Variants in ARHGEF1 observed in about 807,000 individuals in gnomAD.
The protein encoded by ARHGEF1 is 115 kDa guanine nucleotide exchange factor.
Under a neutral mutation model 119.7 loss-of-function variants are expected in ARHGEF1, and 40 were observed. The observed-to-expected ratio is 0.33, with a 90% CI of 0.26 to 0.44. The LOEUF (loss-of-function observed/expected upper bound fraction) is 0.44. Among genes scored for constraint, ARHGEF1 ranks in the 20% least tolerant of loss-of-function variants. ARHGEF1 has a pLI of 1.00. For missense variants in ARHGEF1, 976 were observed against 1,268.3 expected (o/e 0.77, Z 3.50); for synonymous variants, 494 against 521.0 (o/e 0.95, Z 0.71).
Position 41,907,255 on chromosome 19 carries a change from C to T in ARHGEF1, c.*168C>T. Reference sequence around the variant, plus strand: ...GGCCCAGCTGGGGTTACTGGCCCCGCATGAGCCTCGGCCATCTCTCCCTCC... The same window carrying T: ...GGCCCAGCTGGGGTTACTGGCCCCGTATGAGCCTCGGCCATCTCTCCCTCC... On this transcript the variant is annotated 3_prime_UTR_variant, in exon 29 of 29. Coordinates refer to ENST00000354532, the MANE Select transcript of ARHGEF1 (RefSeq NM_004706.4). 1.3e-6 allele frequency: 2 copies of T among 1,524,582 alleles called. No homozygotes were observed. Among genetic ancestry groups the T allele is most frequent in the Non-Finnish European group, 1.8e-6 (2 of 1,140,228 alleles). 94.4% of individuals were successfully genotyped at this position (1,524,582 alleles called of 1,614,324 possible).
At position 41,903,240 on chromosome 19, in the gene ARHGEF1, C is replaced by A; in HGVS notation, c.1739-67C>A. On this transcript the variant is annotated intron_variant, in intron 18 of 28. Transcript: ENST00000354532. This position sits in a 1 kb window ranked among gnomAD's most constrained non-coding sequence, Gnocchi z 4.2. ...CCCGGCCAGCTGTCCTTTGTCTAAC[C>A]TTGGCTGCCCAATCTGGAGCCTCCA... 1 of 1,470,816 alleles carries A rather than the reference C, an allele frequency of 6.8e-7. No homozygotes were observed. The highest frequency in any genetic ancestry group is 9.5e-7 in the Non-Finnish European group (1 of 1,055,998). The allele number at this position is 1,470,816 out of a possible 1,614,324, so 91.1% of individuals were successfully genotyped here.
intron 1 of ARHGEF1, among the ~76,000 whole-genome samples, chr19:41,927,292 G>A (rs1172047892): frequency 1.3e-5 from 2 of 152,080 alleles, no homozygotes; most frequent in African/African-American, 4.8e-5. Context: ...GAAGGTCAGG[G>A]CCAGGCCTGT....
upstream of ARHGEF1, among the ~76,000 whole-genome samples, chr19:41,921,152 C>A (rs986997493): frequency 6.6e-6 from 1 of 152,108 alleles, no homozygotes; most frequent in African/African-American, 2.4e-5. The surrounding 1 kb of genome is among the most constrained non-coding windows in gnomAD (Gnocchi z 4.4). Flanking sequence ...GAGGCGCCAC[C>A]GTGAGGCGAG....
chr19:41,894,135 A>AGTGT (rs35797687), intron 8 of ARHGEF1, 72 bp from the exon 9 acceptor site: 188,905 of 477,256 alleles, frequency 0.4, 15,682 homozygotes, highest in East Asian at 0.45. Flanking sequence ...TGTGTGTGTG[A>AGTGT]GTGTGTGTGT....
chr19:41,897,009 A>AT, intron 13 of ARHGEF1: 1 of 373,772 alleles, frequency 2.7e-6, no homozygotes, highest in South Asian at 1.7e-5. Flanking sequence ...TTCTTTCCCC[A>AT]CCTTCCATCC....
In ARHGEF1 at chr19:41,906,400, C is replaced by T; in HGVS notation, c.2492-57C>T. 6.7e-6 allele frequency: 10 copies of T among 1,500,308 alleles called. No homozygotes were observed. Among genetic ancestry groups the T allele is most frequent in the Non-Finnish European group, 8.9e-6 (10 of 1,122,706 alleles). 92.9% of individuals were successfully genotyped at this position (1,500,308 alleles called of 1,614,324 possible). A position where few individuals can be genotyped will look rare whatever the true frequency, so the allele number is the denominator to read the frequency against. On this transcript the variant is annotated intron_variant, in intron 26 of 28. Coordinates refer to ENST00000354532, the MANE Select transcript of ARHGEF1 (RefSeq NM_004706.4). This position sits in a 1 kb window ranked among gnomAD's most constrained non-coding sequence, Gnocchi z 4.5. ...ACATCCCCTTTGGAATCCCCCATCCCAGATCCCAGCCCAGCCCCCTGGTCT... is the reference window on the plus strand; with the variant it reads ...ACATCCCCTTTGGAATCCCCCATCCTAGATCCCAGCCCAGCCCCCTGGTCT...
chr19:41,884,193 G>A (rs1230645840), intron 1 of ARHGEF1, among the ~76,000 whole-genome samples: 6 of 152,184 alleles, frequency 3.9e-5, no homozygotes, highest in African/African-American at 1.4e-4. Flanking sequence ...CGGGGCCCGG[G>A]GAGTGACGGG....
Position 41,916,395 on chromosome 19 carries a change from TCA to T in ARHGEF1, c.1866-6691_1866-6690del, listed in dbSNP as rs1254002355. ...CACACAGATGCATGTGTCAGTAAAG[TCA>T]CACACCAACACTGTCACAGTCACAC... On this transcript the variant is annotated intron_variant, in intron 18 of 20. Transcript: ENST00000599589. The surrounding 1 kb of genome is among the most constrained non-coding windows in gnomAD (Gnocchi z 5.4). Among the ~76,000 whole-genome samples the T allele has an allele frequency of 6.6e-6, 1 of 151,448 alleles. No individual in the cohort carries two copies. Among genetic ancestry groups the T allele is most frequent in the African/African-American group, 2.4e-5 (1 of 41,132 alleles).
intron 13 of ARHGEF1, chr19:41,897,735 C>T (rs1555848151): frequency 6.4e-6 from 3 of 472,306 alleles, no homozygotes; most frequent in Non-Finnish European, 1.1e-5. Context: ...CTGTCTCTGT[C>T]CCTGTCCTGG....
In ARHGEF1 at chr19:41,903,912, T is replaced by C. The variant is rs1452008530; in HGVS notation, c.1918-123T>C. On this transcript the variant is annotated intron_variant, in intron 20 of 28. Coordinates refer to ENST00000354532, the MANE Select transcript of ARHGEF1 (RefSeq NM_004706.4). This position sits in a 1 kb window ranked among gnomAD's most constrained non-coding sequence, Gnocchi z 4.2. Reference sequence around the variant, plus strand: ...GGAAGCGAGAGCTCTGTCCCCCACCTCATGCCAATCCCATGATCCCCAGCC... The same window carrying C: ...GGAAGCGAGAGCTCTGTCCCCCACCCCATGCCAATCCCATGATCCCCAGCC... The C allele has an allele frequency of 1.5e-6, 2 of 1,343,506 alleles. No individual in the cohort carries two copies. Among genetic ancestry groups the C allele is most frequent in the Non-Finnish European group, 2.1e-6 (2 of 954,272 alleles). 83.2% of individuals were successfully genotyped at this position (1,343,506 alleles called of 1,614,324 possible).
In ARHGEF1 at chr19:41,888,743, C is replaced by T. The variant is rs1555845700; in HGVS notation, c.112-9C>T. The T allele has an allele frequency of 2.5e-6, 4 of 1,613,508 alleles. No individual in the cohort carries two copies. On this transcript the variant is annotated splice_polypyrimidine_tract_variant and intron_variant, in intron 3 of 28. Coordinates refer to ENST00000354532, the MANE Select transcript of ARHGEF1 (RefSeq NM_004706.4). This position sits in a 1 kb window ranked among gnomAD's most constrained non-coding sequence, Gnocchi z 5.1. ...TCCCCATTGTACTCACCCCTTCCTG[C>T]ACCCCCAGAACTCAGAAGAGCAAAA...
rs202012713 is a variant in ARHGEF1 at position 41,894,238 on chromosome 19, A to T, written c.676A>T (p.Met226Leu). ...AAVVNAIGLY[M>L]RHLGVRTKSG... is the part of the protein sequence containing the mutation. ...CGTGGTCAACGCCATTGGCCTGTAC[A>T]TGCGCCACCTTGGGGTGCGGACCAA... The change falls in exon 9 of 29, where the codon ATG becomes TTG. Residue 226 changes from methionine (M) to leucine (L), a missense_variant. By Grantham distance (15) the Met-to-Leu change is conservative (BLOSUM62 2). Coordinates refer to ENST00000354532, the MANE Select transcript of ARHGEF1 (RefSeq NM_004706.4). 18 of 1,558,100 alleles carry T rather than the reference A, an allele frequency of 1.2e-5. No individual in the cohort carries two copies. The African/African-American group carries it at 1.9e-4, about 17-fold the overall frequency.
Position 41,904,364 on chromosome 19 carries a change from G to T in ARHGEF1, c.2142G>T (p.Met714Ile), listed in dbSNP as rs1555849696. 6.3e-7 allele frequency: 1 copy of T among 1,583,174 alleles called. No individual in the cohort carries two copies. Among genetic ancestry groups the T allele is most frequent in the Non-Finnish European group, 8.6e-7 (1 of 1,168,186 alleles). ...CCGTGCTGCGGCTCACCTCCGCCATGACCCGCGAGGTGGCCACCGGTGAGT... is the reference window on the plus strand; with the variant it reads ...CCGTGCTGCGGCTCACCTCCGCCATTACCCGCGAGGTGGCCACCGGTGAGT... ...LRPVLRLTSAMTREVATDHKA... is the reference protein window; with the variant it reads ...LRPVLRLTSAITREVATDHKA... The change falls in exon 22 of 29, where the codon ATG becomes ATT. Residue 714 changes from methionine to isoleucine, a missense_variant. Around this residue, in one of 3 missense-constraint regions of ARHGEF1, gnomAD observed 286 missense variants for 506.8 expected, o/e 0.56. Transcript: ENST00000354532. This position sits in a 1 kb window ranked among gnomAD's most constrained non-coding sequence, Gnocchi z 8.4.
chr19:41,915,278 C>T (rs868962121), intron 18 of ARHGEF1, among the ~76,000 whole-genome samples: 89 of 151,570 alleles, frequency 5.9e-4, no homozygotes, highest in African/African-American at 2.1e-3. Context: ...ACGCTCCCCC[C>T]GCCGTGTCTC....
At position 41,904,987 on chromosome 19, in the gene ARHGEF1, G is replaced by C. The variant is rs1555849817; in HGVS notation, c.2200G>C (p.Glu734Gln). Residue 734 changes from glutamate to glutamine, a missense_variant, in exon 23 of 29, where the codon GAG (glutamate) becomes CAG (glutamine). Glu to Gln is a conservative substitution (Grantham distance 29). This residue lies in a region of ARHGEF1 where 286 missense variants were observed against 506.8 expected (regional missense o/e 0.56). Transcript: ENST00000354532. This position sits in a 1 kb window ranked among gnomAD's most constrained non-coding sequence, Gnocchi z 8.4. The stretch of plus-strand genomic sequence containing the variant: ...CTACGTCCTTTTTACCTGGGACCAG[G>C]AGGCCCAGATATACGAGCTGGTGGC... ...AFYVLFTWDQ[E>Q]AQIYELVAQT... The C allele has an allele frequency of 6.2e-7, 1 of 1,614,158 alleles. No individual in the cohort carries two copies. Among genetic ancestry groups the C allele is most frequent in the South Asian group, 1.1e-5 (1 of 91,082 alleles).
chr19:41,915,889 C>T (rs2074798037), intron 18 of ARHGEF1, among the ~76,000 whole-genome samples: 1 of 152,204 alleles, frequency 6.6e-6, no homozygotes, highest in Non-Finnish European at 1.5e-5. Flanking sequence ...GACAAACGGC[C>T]CCAGCCCCAG....
chr19:41,907,569 T>G (rs2074722541), downstream of ARHGEF1: 1 of 635,554 alleles, frequency 1.6e-6, no homozygotes, highest in Admixed American at 3.2e-5. Context: ...TGTTCATTCA[T>G]TCATTCATTC....
upstream of ARHGEF1, among the ~76,000 whole-genome samples, chr19:41,919,143 ACACT>A (rs1214734615): frequency 5.3e-5 from 8 of 151,948 alleles, no homozygotes; most frequent in South Asian, 2.1e-4. Context: ...ACCACACACC[ACACT>A]CACACACCAC....
At chr19:41,884,268 T>A in intron 1 of ARHGEF1, 1 of 710,238 alleles carries the variant, frequency 1.4e-6, no homozygotes, top group Non-Finnish European at 2.3e-6. Context: ...CTGGCCTGCG[T>A]GGCGCAGTAC....
Sources: gnomAD v4.1 joint callset for allele counts (sites outside exome capture counted in the v4.1 genomes callset) on GRCh38, gnomAD v4.1.1 for gene constraint, gnomAD v4.1.1 regional missense constraint, Gnocchi (gnomAD v3.1) non-coding constraint, MANE v1.5 for transcripts, NCBI Gene and HGNC (gene_info 2026-07-23, HGNC 2026-07-21) for gene names.